The following SH3RF3 variants were observed in gnomAD, a reference collection of about 807,000 sequenced individuals.
SH3RF3 encodes SH3 domain containing ring finger 3, also known as E3 ubiquitin-protein ligase SH3RF3.
SH3RF3 carries 29 observed loss-of-function variants against 66.3 expected under a neutral mutation model. The ratio of observed to expected loss-of-function variants is 0.44; its 90% CI spans 0.33 to 0.60. The LOEUF is 0.60. SH3RF3 is among the 20% of genes least tolerant of loss of function. SH3RF3 has a pLI of 0.04. For missense variants in SH3RF3, 1,194 were observed against 1,190.9 expected, an observed-to-expected ratio of 1.00 and a Z score of -0.04; for synonymous variants, 583 against 532.0, an observed-to-expected ratio of 1.10 and a Z score of -1.32.
At chr2:109,422,085 A>G (rs1343381575) in intron 5 of SH3RF3, among the ~76,000 whole-genome samples, 1 of 152,198 alleles carries the variant, frequency 6.6e-6, no homozygotes, top group African/African-American at 2.4e-5. Flanking sequence ...AGTGGCAAGT[A>G]CCCGGGGTGG....
At chr2:109,144,261 A>G (rs1028435457) in intron 1 of SH3RF3, among the ~76,000 whole-genome samples, 11 of 152,278 alleles carry the variant, frequency 7.2e-5, no homozygotes, top group South Asian at 2.1e-4. Flanking sequence ...ATGTATATGT[A>G]TATCAAATTA....
chr2:109,417,563 C>T (rs1307094498), intron 4 of SH3RF3, among the ~76,000 whole-genome samples: 1 of 152,172 alleles, frequency 6.6e-6, no homozygotes, highest in Admixed American at 6.5e-5. Flanking sequence ...GCACAGGACC[C>T]CGACAGCCTC....
intron 4 of SH3RF3, among the ~76,000 whole-genome samples, chr2:109,416,923 AAGAATTG>A (rs1559072087): frequency 6.6e-6 from 1 of 151,172 alleles, no homozygotes; most frequent in African/African-American, 2.4e-5. Context: ...AAAAAAAAAA[AAGAATTG>A]TATGTCCAGT....
intron 1 of SH3RF3, among the ~76,000 whole-genome samples, chr2:109,269,454 TC>T (rs1680577890): frequency 6.6e-6 from 1 of 152,238 alleles, no homozygotes; most frequent in East Asian, 1.9e-4. Context: ...AGCCCCCCTT[TC>T]TTCTGACTTT....
chr2:109,131,581 TG>T (rs1424296676), intron 1 of SH3RF3, among the ~76,000 whole-genome samples: 3 of 152,190 alleles, frequency 2.0e-5, no homozygotes, highest in Admixed American at 6.5e-5. Context: ...CAGTTTATCT[TG>T]GGGGACTTTG....
chr2:109,133,055 C>G (rs1474253019), intron 1 of SH3RF3, among the ~76,000 whole-genome samples: 2 of 152,172 alleles, frequency 1.3e-5, no homozygotes, highest in Non-Finnish European at 2.9e-5. Context: ...GTAAACAAGA[C>G]TGGCTTGGGC....
chr2:109,457,155 TTTAG>T (rs937159629), intron 8 of SH3RF3, among the ~76,000 whole-genome samples: 3 of 152,306 alleles, frequency 2.0e-5, no homozygotes, highest in African/African-American at 7.2e-5. Flanking sequence ...GAGTAGTAAA[TTTAG>T]TTAGTTTGAC....
intron 8 of SH3RF3, 127 bp from the exon 9 acceptor site, chr2:109,490,477 CT>C (rs1679100562): frequency 1.2e-6 from 1 of 851,246 alleles, no homozygotes; most frequent in Non-Finnish European, 1.7e-6. Context: ...GTGGTAAAGT[CT>C]TTTGTCTGAA....
intron 4 of SH3RF3, among the ~76,000 whole-genome samples, chr2:109,412,514 C>G (rs1676618595): frequency 6.6e-6 from 1 of 152,236 alleles, no homozygotes; most frequent in Non-Finnish European, 1.5e-5. Context: ...TCCCACTCTT[C>G]CCGCTGCTGC....
intron 1 of SH3RF3, among the ~76,000 whole-genome samples, chr2:109,296,261 C>T (rs911601570): frequency 6.6e-6 from 1 of 151,880 alleles, no homozygotes; most frequent in Non-Finnish European, 1.5e-5. Flanking sequence ...GAGTTTCACT[C>T]TTATTGCCCA....
intron 1 of SH3RF3, among the ~76,000 whole-genome samples, chr2:109,264,752 G>A (rs1193867657): frequency 2.0e-5 from 3 of 152,166 alleles, no homozygotes; most frequent in Non-Finnish European, 4.4e-5. Flanking sequence ...CAGGCCCACT[G>A]GGCGGGCATC....
intron 6 of SH3RF3, among the ~76,000 whole-genome samples, chr2:109,436,227 C>T (rs1248475505): frequency 1.3e-5 from 2 of 152,218 alleles, no homozygotes; most frequent in African/African-American, 4.8e-5. Context: ...CTTCCAAACC[C>T]CTAACTCTGC....
chr2:109,419,595 G>A lies in SH3RF3; in HGVS notation c.1356G>A (p.Val452=), dbSNP rs758436926. The change falls in exon 5 of 10, where the codon GTG becomes GTA. Residue 452 remains valine, a synonymous_variant. Transcript: ENST00000309415. ...CGGCTGTCCCACGGGCTGCCTCGGTGTCTGGAGAGCAGGGCACGCCTCCCA... is the reference window on the plus strand; with the variant it reads ...CGGCTGTCCCACGGGCTGCCTCGGTATCTGGAGAGCAGGGCACGCCTCCCA... ...TPTAVPRAAS[V]SGEQGTPPKV... The A allele has an allele frequency of 3.1e-6, 5 of 1,596,908 alleles. No individual in the cohort carries two copies. The Admixed American group carries it at 8.7e-5, about 28-fold the overall frequency.
Position 109,493,903 on chromosome 2 carries a change from C to T in SH3RF3, c.2480+2967C>T, listed in dbSNP as rs181887149. Among the ~76,000 whole-genome samples, 400 of 152,078 alleles carry T rather than the reference C, an allele frequency of 2.6e-3. 1 individual carries two copies. Among genetic ancestry groups the T allele is most frequent in the Non-Finnish European group, 3.5e-3 (236 of 68,000 alleles). On this transcript the variant is annotated intron_variant, in intron 9 of 9. Coordinates refer to ENST00000309415, the MANE Select transcript of SH3RF3 (RefSeq NM_001099289.3). Reference sequence around the variant, plus strand: ...CACCCACCTTCTCTTTCCTTCTCTCCTCCTCCTCCACTTCCTCCACCTCTC... The same window carrying T: ...CACCCACCTTCTCTTTCCTTCTCTCTTCCTCCTCCACTTCCTCCACCTCTC...
intron 8 of SH3RF3, among the ~76,000 whole-genome samples, chr2:109,482,164 A>G (rs926239733): frequency 2.0e-5 from 3 of 152,198 alleles, no homozygotes; most frequent in Admixed American, 6.5e-5. Context: ...CTTGTTCAGC[A>G]TCTCAGAGCC....
At chr2:109,268,921 T>C (rs1680565782) in intron 1 of SH3RF3, among the ~76,000 whole-genome samples, 1 of 152,182 alleles carries the variant, frequency 6.6e-6, no homozygotes, top group African/African-American at 2.4e-5. Flanking sequence ...TGTAACCCCA[T>C]TATAAGTCAG....
intron 2 of SH3RF3, among the ~76,000 whole-genome samples, chr2:109,351,601 C>T (rs1229369451): frequency 1.3e-5 from 2 of 152,240 alleles, no homozygotes; most frequent in African/African-American, 2.4e-5. Context: ...GCAGGGCCCA[C>T]GCTGCTTTTC....
intron 2 of SH3RF3, among the ~76,000 whole-genome samples, chr2:109,365,075 C>A (rs1053946783): frequency 6.6e-6 from 1 of 151,980 alleles, no homozygotes; most frequent in African/African-American, 2.4e-5. Context: ...AACAAACAAA[C>A]AAAACATCCC....
rs1407413305 is a variant in SH3RF3, at chr2:109,485,237, G to C, written c.2149-5368G>C. Among the ~76,000 whole-genome samples, 10 of 145,046 alleles carry C rather than the reference G, an allele frequency of 6.9e-5. No homozygotes were observed. In the Admixed American group the frequency reaches 7.3e-4, roughly 11 times the overall value. On this transcript the variant is annotated intron_variant, in intron 8 of 9. Coordinates refer to ENST00000309415, the MANE Select transcript of SH3RF3 (RefSeq NM_001099289.3). ...AAGACGGGAAATCTGTTTGAAAGAA[G>C]TGGTGGGACAGCCACCTGTCTCCAC...
Sources: allele counts gnomAD v4.1 joint callset (sites outside exome capture counted in the v4.1 genomes callset), GRCh38; gene constraint gnomAD v4.1.1; transcripts MANE v1.5; gene names NCBI Gene and HGNC (gene_info 2026-07-23, HGNC 2026-07-21).